CACNA2D1: variants seen among roughly 807,000 people sequenced by gnomAD.
CACNA2D1 encodes voltage-dependent calcium channel subunit alpha-2/delta-1.
CACNA2D1 carries 53 observed loss-of-function variants against 171.5 expected under a neutral mutation model. That is an observed-to-expected ratio of 0.31 (90% CI 0.25 to 0.39). The LOEUF is 0.39. Ranked by LOEUF, CACNA2D1 falls within the 10% of genes least tolerant of loss-of-function variation. The pLI is 1.00. For synonymous variants in CACNA2D1, 442 were observed against 443.1 expected (o/e 1.00, Z 0.03); for missense variants, 903 against 1,299.8 (o/e 0.69, Z 4.69).
At chr7:82,114,111 A>T (rs1003466629) in intron 6 of CACNA2D1, among the ~76,000 whole-genome samples, 7 of 152,058 alleles carry the variant, frequency 4.6e-5, no homozygotes, top group Non-Finnish European at 7.3e-5. Flanking sequence ...AATTGGAAAG[A>T]AAAACATTGT....
intron 1 of CACNA2D1, among the ~76,000 whole-genome samples, chr7:82,427,972 T>C (rs1262865310): frequency 6.6e-6 from 1 of 152,084 alleles, no homozygotes; most frequent in African/African-American, 2.4e-5. Flanking sequence ...GAGGATCACC[T>C]GAGGTCAGGA....
At chr7:81,959,941 A>G in intron 36 of CACNA2D1, 112 bp from the exon 37 acceptor site, 1 of 1,473,794 alleles carries the variant, frequency 6.8e-7, no homozygotes, top group South Asian at 1.2e-5. Context: ...CATCTGAAAC[A>G]GAAACCATTC....
intron 3 of CACNA2D1, among the ~76,000 whole-genome samples, chr7:82,193,700 C>T (rs575090523): frequency 6.6e-6 from 1 of 151,896 alleles, no homozygotes. Context: ...TATCTTCCCC[C>T]CAACAAGCGA....
intron 2 of CACNA2D1, among the ~76,000 whole-genome samples, chr7:82,340,631 GA>G (rs1818517909): frequency 6.6e-6 from 1 of 151,978 alleles, no homozygotes; most frequent in African/African-American, 2.4e-5. Flanking sequence ...AGATTCTGAT[GA>G]ATATGAAAGA....
intron 3 of CACNA2D1, among the ~76,000 whole-genome samples, chr7:82,240,294 A>G (rs1043806454): frequency 3.3e-5 from 5 of 152,200 alleles, no homozygotes; most frequent in African/African-American, 1.2e-4. Flanking sequence ...AAGTAAAATA[A>G]TATCTCTCAA....
intron 7 of CACNA2D1, among the ~76,000 whole-genome samples, chr7:82,077,553 G>A (rs1185475932): frequency 6.6e-6 from 1 of 152,096 alleles, no homozygotes; most frequent in Non-Finnish European, 1.5e-5. Context: ...ATTGACATGA[G>A]TAAAAACCAA....
At chr7:82,264,846 CACTT>C (rs1807607744) in intron 3 of CACNA2D1, among the ~76,000 whole-genome samples, 2 of 152,168 alleles carry the variant, frequency 1.3e-5, no homozygotes, top group African/African-American at 4.8e-5. Flanking sequence ...TACAAATACA[CACTT>C]ACAGATGAAA....
intron 1 of CACNA2D1, among the ~76,000 whole-genome samples, chr7:82,361,018 C>A (rs1428989918): frequency 1.3e-5 from 2 of 152,112 alleles, no homozygotes; most frequent in African/African-American, 4.8e-5. Context: ...AGGAATGAAG[C>A]CTTCAAATAT....
At chr7:82,342,266 T>C (rs1056543284) in intron 2 of CACNA2D1, among the ~76,000 whole-genome samples, 2 of 152,158 alleles carry the variant, frequency 1.3e-5, no homozygotes, top group East Asian at 1.9e-4. Flanking sequence ...GTGATGTTTA[T>C]TGAGTATTTT....
At chr7:82,062,316 T>G (rs1006309515) in intron 9 of CACNA2D1, among the ~76,000 whole-genome samples, 1 of 152,132 alleles carries the variant, frequency 6.6e-6, no homozygotes. Context: ...TCCCCAGACT[T>G]ACCTGTGCAG....
intron 10 of CACNA2D1, among the ~76,000 whole-genome samples, chr7:82,044,832 G>T (rs1038344621): frequency 6.6e-6 from 1 of 151,950 alleles, no homozygotes; most frequent in Non-Finnish European, 1.5e-5. Flanking sequence ...TAGTAGATTT[G>T]GACTATAAGA....
intron 3 of CACNA2D1, among the ~76,000 whole-genome samples, chr7:82,171,129 C>T (rs541463456): frequency 1.3e-5 from 2 of 152,026 alleles, no homozygotes; most frequent in African/African-American, 2.4e-5. Flanking sequence ...GTTCTTTCAG[C>T]GATAATCTTT....
chr7:82,125,128 G>A (rs1474908017), intron 5 of CACNA2D1, among the ~76,000 whole-genome samples: 1 of 152,120 alleles, frequency 6.6e-6, no homozygotes, highest in Non-Finnish European at 1.5e-5. Context: ...AAAATAAATA[G>A]CAACGTAAAT....
intron 3 of CACNA2D1, among the ~76,000 whole-genome samples, chr7:82,199,397 A>G (rs1284766405): frequency 6.6e-6 from 1 of 152,112 alleles, no homozygotes; most frequent in Non-Finnish European, 1.5e-5. Context: ...TTGTTTCATC[A>G]TAAATGAACA....
chr7:82,119,596 G>C (rs1021753051), intron 5 of CACNA2D1, among the ~76,000 whole-genome samples: 4 of 152,104 alleles, frequency 2.6e-5, no homozygotes, highest in Non-Finnish European at 5.9e-5. Flanking sequence ...TCTTTTTCAT[G>C]TTAACTTAAA....
At chr7:82,087,973 T>A (rs1259756213) in intron 6 of CACNA2D1, among the ~76,000 whole-genome samples, 2 of 151,826 alleles carry the variant, frequency 1.3e-5, no homozygotes, top group Non-Finnish European at 2.9e-5. Context: ...ACACACATTA[T>A]CTCTCTCTCT....
chr7:82,032,083 C>T (rs1342676090), intron 12 of CACNA2D1, among the ~76,000 whole-genome samples: 3 of 151,964 alleles, frequency 2.0e-5, no homozygotes, highest in South Asian at 2.1e-4. Context: ...GATAATAGGA[C>T]GGCTAGAAAA....
chr7:82,260,703 G>C (rs1477340840), intron 3 of CACNA2D1, among the ~76,000 whole-genome samples: 2 of 152,086 alleles, frequency 1.3e-5, no homozygotes, highest in African/African-American at 4.8e-5. Flanking sequence ...CTTGCCCAAG[G>C]TTGCTCAGTT....
chr7:82,146,167 A>C (rs947775596), intron 4 of CACNA2D1, among the ~76,000 whole-genome samples: 1 of 151,604 alleles, frequency 6.6e-6, no homozygotes, highest in Non-Finnish European at 1.5e-5. Flanking sequence ...ATGTTTAATA[A>C]CCTAACTGCA....
Sources: gnomAD v4.1 joint callset for allele counts (sites outside exome capture counted in the v4.1 genomes callset) on GRCh38, gnomAD v4.1.1 for gene constraint, MANE v1.5 for transcripts, NCBI Gene and HGNC (gene_info 2026-07-23, HGNC 2026-07-21) for gene names.